MDGA2: variants seen among roughly 807,000 people sequenced by gnomAD.
MDGA2 encodes MAM domain containing glycosylphosphatidylinositol anchor 2.
In MDGA2, 40 loss-of-function variants were observed where a neutral mutation model predicts 117.8. The ratio of observed to expected loss-of-function variants is 0.34; its 90% confidence interval spans 0.26 to 0.44. The LOEUF is 0.44. MDGA2 is among the 20% of genes least tolerant of loss of function. The probability of loss-of-function intolerance (pLI) is 1.00; values close to 1 mark genes in which losing one functional copy is unlikely to be tolerated. For synonymous variants in MDGA2, 452 were observed against 439.0 expected (o/e 1.03, Z -0.37); for missense variants, 1,123 against 1,250.6 (o/e 0.90, Z 1.54).
chr14:47,332,768 C>A (rs1481000785), intron 1 of MDGA2, among the ~76,000 whole-genome samples: 1 of 151,830 alleles, frequency 6.6e-6, no homozygotes, highest in African/African-American at 2.4e-5. Context: ...AAATCGTGCA[C>A]ATTGTACTCA....
intron 6 of MDGA2, among the ~76,000 whole-genome samples, chr14:47,087,837 G>T (rs1217086286): frequency 6.8e-6 from 1 of 146,194 alleles, no homozygotes; most frequent in Non-Finnish European, 1.5e-5. Flanking sequence ...GAGTCTCAAA[G>T]AAACTAATGA....
chr14:47,424,527 C>T (rs1276773481), intron 1 of MDGA2, among the ~76,000 whole-genome samples: 4 of 152,104 alleles, frequency 2.6e-5, no homozygotes, highest in Non-Finnish European at 5.9e-5. Context: ...AACTATATCC[C>T]TTATACTCAT....
chr14:47,042,980 A>G (rs371811522), intron 7 of MDGA2, among the ~76,000 whole-genome samples: 1 of 152,126 alleles, frequency 6.6e-6, no homozygotes, highest in African/African-American at 2.4e-5. Context: ...ACCAATTGTC[A>G]GTGGCCACTG....
rs572053869 is a variant in MDGA2, at chr14:47,137,361, A to G, written c.793-5515T>C. 2.6e-5 allele frequency among the ~76,000 whole-genome samples: 4 copies of G among 152,150 alleles called. No individual in the cohort carries two copies. The South Asian group carries it at 6.2e-4, about 24-fold the overall frequency. On this transcript the variant is annotated intron_variant, in intron 4 of 16. Transcript: ENST00000399232. ...ATCTTCATGTTGAAATTTAATCCCA[A>G]TGTTGGAGGTAGGGCCTAATGAAAG...
chr14:47,640,111 C>T (rs927856075), intron 1 of MDGA2, among the ~76,000 whole-genome samples: 12 of 152,192 alleles, frequency 7.9e-5, no homozygotes, highest in Non-Finnish European at 2.9e-5. Context: ...CGTCTTCGCA[C>T]ATTTAATGCA....
At chr14:47,319,754 CT>C (rs1183740215) in intron 1 of MDGA2, among the ~76,000 whole-genome samples, 2 of 152,052 alleles carry the variant, frequency 1.3e-5, no homozygotes, top group African/African-American at 4.8e-5. Context: ...TAAAGATTAA[CT>C]TTTTTTCTGT....
intron 8 of MDGA2, among the ~76,000 whole-genome samples, chr14:46,997,606 C>T (rs1408287116): frequency 6.6e-6 from 1 of 152,094 alleles, no homozygotes; most frequent in Non-Finnish European, 1.5e-5. Context: ...ATTTGTGTTT[C>T]CCACTTTGGT....
chr14:47,396,862 T>C (rs541382603), intron 1 of MDGA2, among the ~76,000 whole-genome samples: 65 of 152,194 alleles, frequency 4.3e-4, no homozygotes, highest in African/African-American at 1.5e-3. Flanking sequence ...TGTGGAGAAA[T>C]AAGAATGCTT....
chr14:47,167,247 A>C (rs1228178261), intron 3 of MDGA2, among the ~76,000 whole-genome samples: 3 of 152,158 alleles, frequency 2.0e-5, no homozygotes, highest in Non-Finnish European at 4.4e-5. Context: ...ACAAATTCTC[A>C]TTAAAGTTGA....
chr14:47,052,286 T>C (rs961616), intron 7 of MDGA2, among the ~76,000 whole-genome samples: 49,117 of 151,648 alleles, frequency 0.32, 8,605 homozygotes, highest in East Asian at 0.52. Flanking sequence ...TTTGATCTGC[T>C]CTTGCTTTCC....
At chr14:47,380,428 G>A (rs550447260) in intron 1 of MDGA2, among the ~76,000 whole-genome samples, 2 of 151,900 alleles carry the variant, frequency 1.3e-5, no homozygotes, top group African/African-American at 2.4e-5. Flanking sequence ...CAGTGAATCC[G>A]GGAGCTCATT....
At chr14:47,627,409 G>C (rs1021734309) in intron 1 of MDGA2, among the ~76,000 whole-genome samples, 7 of 151,930 alleles carry the variant, frequency 4.6e-5, no homozygotes, top group African/African-American at 1.7e-4. Flanking sequence ...CCAGCTAAGG[G>C]ATTGTGAATG....
chr14:47,651,337 T>C (rs1897640427), intron 1 of MDGA2, among the ~76,000 whole-genome samples: 1 of 151,794 alleles, frequency 6.6e-6, no homozygotes, highest in East Asian at 1.9e-4. Context: ...TTCGGAGCAA[T>C]GGATAAGCAC....
intron 1 of MDGA2, among the ~76,000 whole-genome samples, chr14:47,333,306 T>A (rs1434278431): frequency 6.6e-6 from 1 of 151,914 alleles, no homozygotes; most frequent in Non-Finnish European, 1.5e-5. Flanking sequence ...TCGACCTCTG[T>A]CATTTTTTGT....
intron 8 of MDGA2, among the ~76,000 whole-genome samples, chr14:46,976,285 A>C (rs949933571): frequency 6.6e-6 from 1 of 152,096 alleles, no homozygotes; most frequent in Non-Finnish European, 1.5e-5. Context: ...AAACAAAAAC[A>C]CAGTGGCTTA....
chr14:47,427,139 C>T (rs1333956153), intron 1 of MDGA2, among the ~76,000 whole-genome samples: 1 of 152,070 alleles, frequency 6.6e-6, no homozygotes, highest in East Asian at 1.9e-4. Flanking sequence ...TGCCATCATG[C>T]CATTATTGTC....
At chr14:46,981,513 C>G (rs1311956301) in intron 8 of MDGA2, among the ~76,000 whole-genome samples, 2 of 152,158 alleles carry the variant, frequency 1.3e-5, no homozygotes, top group Non-Finnish European at 2.9e-5. Flanking sequence ...CAAAGTCCCT[C>G]TTTTCATAGG....
At chr14:47,626,012 C>G (rs1359986640) in intron 1 of MDGA2, among the ~76,000 whole-genome samples, 1 of 152,176 alleles carries the variant, frequency 6.6e-6, no homozygotes, top group African/African-American at 2.4e-5. Context: ...TTTCCTAGAC[C>G]TAGAATCCTT....
At chr14:47,079,033 GAA>G (rs755415080) in intron 6 of MDGA2, among the ~76,000 whole-genome samples, 1 of 136,440 alleles carries the variant, frequency 7.3e-6, no homozygotes. Context: ...TAAGTGAGAT[GAA>G]AAAAAAAAAA....
Sources: allele counts gnomAD v4.1 joint callset (sites outside exome capture counted in the v4.1 genomes callset), GRCh38; gene constraint gnomAD v4.1.1; transcripts MANE v1.5; gene names NCBI Gene and HGNC (gene_info 2026-07-23, HGNC 2026-07-21).